EPHA6: variants seen among roughly 807,000 people sequenced by gnomAD.
The protein encoded by EPHA6 is ephrin type-A receptor 6.
EPHA6 carries 50 observed loss-of-function variants against 112.0 expected under a neutral mutation model. The observed-to-expected ratio is 0.45, with a 90% CI of 0.36 to 0.56. EPHA6 has a LOEUF of 0.56. EPHA6 is among the 20% of genes least tolerant of loss of function. EPHA6 has a pLI of 0.00. For missense variants in EPHA6, 1,280 were observed against 1,417.4 expected, an observed-to-expected ratio of 0.90 and a Z score of 1.56; for synonymous variants, 529 against 490.7, an observed-to-expected ratio of 1.08 and a Z score of -1.03.
chr3:97,650,291 A>G (rs373910608), intron 14 of EPHA6, among the ~76,000 whole-genome samples: 20 of 152,104 alleles, frequency 1.3e-4, no homozygotes, highest in African/African-American at 4.6e-4. Context: ...AAGGGCATGA[A>G]ACTCTTATGA....
chr3:97,212,302 C>T (rs761553580), intron 3 of EPHA6, among the ~76,000 whole-genome samples: 3 of 151,878 alleles, frequency 2.0e-5, no homozygotes, highest in Non-Finnish European at 4.4e-5. Flanking sequence ...GTATGGTTGA[C>T]TAAAACATAT....
intron 3 of EPHA6, among the ~76,000 whole-genome samples, chr3:97,218,630 A>G (rs912160696): frequency 1.3e-5 from 2 of 152,140 alleles, no homozygotes; most frequent in African/African-American, 2.4e-5. Flanking sequence ...ACACATAGGG[A>G]TTATAGGGAT....
chr3:97,614,332 T>A (rs1268260754), intron 13 of EPHA6, among the ~76,000 whole-genome samples: 1 of 141,168 alleles, frequency 7.1e-6, no homozygotes, highest in Non-Finnish European at 1.5e-5. Context: ...AAGGTATACT[T>A]ACTTTTTTTT....
intron 15 of EPHA6, among the ~76,000 whole-genome samples, chr3:97,721,165 TA>T (rs1280128896): frequency 2.6e-5 from 4 of 152,218 alleles, no homozygotes; most frequent in Non-Finnish European, 4.4e-5. Context: ...ACAATGGTAA[TA>T]AGAAATCACC....
intron 3 of EPHA6, among the ~76,000 whole-genome samples, chr3:97,123,315 C>T (rs753023917): frequency 8.6e-5 from 13 of 152,026 alleles, no homozygotes; most frequent in South Asian, 2.1e-4. Flanking sequence ...TTCATGTATA[C>T]GATAGCCTAG....
intron 5 of EPHA6, among the ~76,000 whole-genome samples, chr3:97,252,414 CACAT>C (rs1041062948): frequency 4.6e-5 from 7 of 151,874 alleles, no homozygotes; most frequent in Non-Finnish European, 8.8e-5. Flanking sequence ...CACACTCACA[CACAT>C]ACACACACAC....
chr3:96,987,368 C>T lies in EPHA6; in HGVS notation c.489C>T (p.Pro163=). ...AITEMDEHNR[P]IHTYQVCNVM... is the part of the protein sequence containing the mutation. ...CTGAAATGGATGAACATAATAGGCC[C>T]ATTCACACATACCAGGTATGTAATG... The change falls in exon 3 of 18, where the codon CCC becomes CCT. Residue 163 remains proline, a synonymous_variant. Transcript: ENST00000389672. 1 of 1,613,528 alleles carries T rather than the reference C, an allele frequency of 6.2e-7. No homozygotes were observed. The highest frequency in any genetic ancestry group is 8.5e-7 in the Non-Finnish European group (1 of 1,179,596).
At chr3:97,542,939 G>T (rs1204874628) in intron 11 of EPHA6, among the ~76,000 whole-genome samples, 1 of 152,146 alleles carries the variant, frequency 6.6e-6, no homozygotes, top group Non-Finnish European at 1.5e-5. Context: ...TTTTGATGGG[G>T]TTGTTTGATT....
chr3:97,731,938 C>T (rs2035053830), intron 15 of EPHA6, among the ~76,000 whole-genome samples: 1 of 151,936 alleles, frequency 6.6e-6, no homozygotes, highest in African/African-American at 2.4e-5. Context: ...CCTGTCAAAA[C>T]AGTTCACTTC....
intron 5 of EPHA6, among the ~76,000 whole-genome samples, chr3:97,268,245 C>A (rs1406888552): frequency 6.6e-6 from 1 of 152,100 alleles, no homozygotes; most frequent in Non-Finnish European, 1.5e-5. Context: ...AAGCAAACTT[C>A]TGCTTAGATT....
chr3:97,386,931 A>G (rs1202700858), intron 5 of EPHA6, among the ~76,000 whole-genome samples: 1 of 152,226 alleles, frequency 6.6e-6, no homozygotes, highest in African/African-American at 2.4e-5. Context: ...GAAGCCACCA[A>G]GGCTTGGGGC....
intron 1 of EPHA6, among the ~76,000 whole-genome samples, chr3:96,822,926 A>G (rs2033378795): frequency 6.6e-6 from 1 of 151,468 alleles, no homozygotes; most frequent in Admixed American, 6.6e-5. Context: ...AAGTATAGAA[A>G]CTTGCCTACT....
chr3:97,321,898 T>C (rs774328718), intron 5 of EPHA6, among the ~76,000 whole-genome samples: 1 of 152,030 alleles, frequency 6.6e-6, no homozygotes, highest in East Asian at 1.9e-4. Context: ...AAGGCGGAGC[T>C]CTTTATTCAA....
chr3:96,911,384 G>GT (rs1482717750), intron 2 of EPHA6, among the ~76,000 whole-genome samples: 17 of 151,948 alleles, frequency 1.1e-4, no homozygotes, highest in Admixed American at 1.1e-3. Flanking sequence ...ATACGGTTAT[G>GT]TTTTTATTGT....
chr3:97,354,113 A>G (rs1339803670), intron 5 of EPHA6, among the ~76,000 whole-genome samples: 1 of 152,202 alleles, frequency 6.6e-6, no homozygotes, highest in Non-Finnish European at 1.5e-5. Context: ...CAGTAACCAA[A>G]GATTTAGATC....
At chr3:97,334,478 C>CTTT (rs1354125066) in intron 5 of EPHA6, among the ~76,000 whole-genome samples, 4,135 of 127,974 alleles carry the variant, frequency 0.032, 211 homozygotes, top group African/African-American at 0.11. Context: ...TTTTTTTCTT[C>CTTT]TTTTTTTTTT....
At position 97,630,826 on chromosome 3, in the gene EPHA6, G is replaced by T. The variant is rs568361430; in HGVS notation, c.2575-7047G>T. Among the ~76,000 whole-genome samples the T allele has an allele frequency of 2.5e-3, 381 of 151,984 alleles. 3 individuals carry two copies. Among genetic ancestry groups the T allele is most frequent in the African/African-American group, 9.0e-3 (373 of 41,492 alleles). On this transcript the variant is annotated intron_variant, in intron 13 of 17. Coordinates refer to ENST00000389672, the MANE Select transcript of EPHA6 (RefSeq NM_001080448.3). ...ATTTTTCTATGTATCTACCTATTTC[G>T]TCATGTCTTCCTTCCAAGTCCTCAA...
chr3:97,486,631 CAGTCATGAGGGCTGA>C lies in EPHA6; in HGVS notation c.2200+2573_2200+2587del, dbSNP rs542021791. On this transcript the variant is annotated intron_variant, in intron 10 of 17. Coordinates refer to ENST00000389672, the MANE Select transcript of EPHA6 (RefSeq NM_001080448.3). ...CTTTTATGAGGCTGCTGCATTAATCCAGTCATGAGGGCTGAGCCCTCATGATCTAATTACCTCTTT... is the reference window on the plus strand; with the variant it reads ...CTTTTATGAGGCTGCTGCATTAATCCGCCCTCATGATCTAATTACCTCTTT... 4.4e-4 allele frequency among the ~76,000 whole-genome samples: 67 copies of C among 152,284 alleles called. No homozygotes were observed. In the South Asian group the frequency reaches 0.014, roughly 32 times the overall value.
In EPHA6 at chr3:97,664,641, A is replaced by G. The variant is rs373576165; in HGVS notation, c.2784+26559A>G. 3.9e-5 allele frequency among the ~76,000 whole-genome samples: 6 copies of G among 152,356 alleles called. No individual in the cohort carries two copies. In the South Asian group the frequency reaches 6.2e-4, roughly 16 times the overall value. The stretch of plus-strand genomic sequence containing the variant: ...AGCAAATTCTCAGGATACAAAATCA[A>G]TGTGCATAAATCACAATCATTCTTA... On this transcript the variant is annotated intron_variant, in intron 14 of 17. Transcript: ENST00000389672.
Sources: gnomAD v4.1 joint callset for allele counts (sites outside exome capture counted in the v4.1 genomes callset) on GRCh38, gnomAD v4.1.1 for gene constraint, MANE v1.5 for transcripts, NCBI Gene and HGNC (gene_info 2026-07-23, HGNC 2026-07-21) for gene names.